Variants in TXNDC5 observed in about 807,000 individuals in gnomAD.
TXNDC5 encodes the protein thioredoxin domain containing 5.
In TXNDC5, 44 loss-of-function variants were observed where a neutral mutation model predicts 52.6. The ratio of observed to expected loss-of-function variants is 0.84; its 90% CI spans 0.66 to 1.08. The LOEUF (loss-of-function observed/expected upper bound fraction) is 1.08, where lower values mean the gene tolerates loss of function less well. Ranked by LOEUF, TXNDC5 falls within the 50% of genes least tolerant of loss-of-function variation. The probability of loss-of-function intolerance (pLI) is 0.00; values close to 1 mark genes in which losing one functional copy is unlikely to be tolerated. For synonymous variants in TXNDC5, 241 were observed against 234.4 expected (o/e 1.03, Z -0.26); for missense variants, 600 against 565.5 (o/e 1.06, Z -0.62).
chr6:7,897,705 G>A (rs1760420821), intron 3 of TXNDC5, among the ~76,000 whole-genome samples: 1 of 152,176 alleles, frequency 6.6e-6, no homozygotes, highest in South Asian at 2.1e-4. Flanking sequence ...CTCCACTAAG[G>A]GAAATGGGCC....
At chr6:7,885,927 G>GGACA (rs1759957607) in intron 8 of TXNDC5, 34 bp downstream of exon 8, 1 of 1,605,610 alleles carries the variant, frequency 6.2e-7, no homozygotes, top group Non-Finnish European at 8.5e-7. Context: ...TAGTACACAT[G>GGACA]GACAAAGTAG....
In TXNDC5 at chr6:7,909,811, A is replaced by G. The variant is rs577385545; in HGVS notation, c.263+703T>C. 2.5e-4 allele frequency: 244 copies of G among 985,992 alleles called. No individual in the cohort carries two copies. In the African/African-American group the frequency reaches 4.0e-3, roughly 16 times the overall value. 61.1% of individuals were successfully genotyped at this position (985,992 alleles called of 1,614,324 possible). A position where few individuals can be genotyped will look rare whatever the true frequency, so the allele number is the denominator to read the frequency against. On this transcript the variant is annotated intron_variant, in intron 1 of 9. Coordinates refer to ENST00000379757, the MANE Select transcript of TXNDC5 (RefSeq NM_030810.5). ...AAAGACGCACAAAGTGGGAAACCACACCTTCCTGGGTTCTATTTTTCAGTT... is the reference window on the plus strand; with the variant it reads ...AAAGACGCACAAAGTGGGAAACCACGCCTTCCTGGGTTCTATTTTTCAGTT...
At chr6:7,910,095 G>A (rs909048617) in intron 1 of TXNDC5, 16 of 986,084 alleles carry the variant, frequency 1.6e-5, no homozygotes, top group Non-Finnish European at 1.9e-5. Flanking sequence ...GCGGCGCAGG[G>A]CGGGCTTTTC....
At position 7,910,634 on chromosome 6, in the gene TXNDC5, C is replaced by G. The variant is rs1257544448; in HGVS notation, c.143G>C (p.Gly48Ala). 9.1e-6 allele frequency: 12 copies of G among 1,323,944 alleles called. No individual in the cohort carries two copies. The highest frequency in any genetic ancestry group is 1.2e-5 in the Non-Finnish European group (12 of 1,017,356). 82.0% of individuals were successfully genotyped at this position (1,323,944 alleles called of 1,614,324 possible). A position where few individuals can be genotyped will look rare whatever the true frequency, so the allele number is the denominator to read the frequency against. Residue 48 changes from glycine (G) to alanine (A), a missense_variant, in exon 1 of 10, where the codon GGG becomes GCG. Physicochemically the swap from Gly to Ala is moderately conservative, Grantham distance 60. Coordinates refer to ENST00000379757, the MANE Select transcript of TXNDC5 (RefSeq NM_030810.5). ...AQEAAAAAAD[G>A]PPAADGEDGQ... ...GTCCTCGCCGTCTGCCGCGGGGGGCCCGTCCGCCGCCGCCGCCGCCGCCTC... is the reference window on the plus strand; with the variant it reads ...GTCCTCGCCGTCTGCCGCGGGGGGCGCGTCCGCCGCCGCCGCCGCCGCCTC...
intron 5 of TXNDC5, among the ~76,000 whole-genome samples, chr6:7,890,315 T>C (rs1462852656): frequency 6.6e-6 from 1 of 152,158 alleles, no homozygotes; most frequent in African/African-American, 2.4e-5. Context: ...GTAAAAATAC[T>C]ATTTCAACAC....
intron 4 of TXNDC5, among the ~76,000 whole-genome samples, chr6:7,892,314 T>C (rs897345381): frequency 2.0e-5 from 3 of 152,232 alleles, no homozygotes; most frequent in African/African-American, 7.2e-5. Flanking sequence ...CAGGGAAACA[T>C]GTAGACCACA....
At chr6:7,893,578 G>T (rs1760270471) in intron 4 of TXNDC5, among the ~76,000 whole-genome samples, 1 of 151,234 alleles carries the variant, frequency 6.6e-6, no homozygotes, top group South Asian at 2.1e-4. Flanking sequence ...GTCCGTAACA[G>T]GTGATTTGGG....
At chr6:7,895,055 C>A in intron 4 of TXNDC5, 51 bp downstream of exon 4, 1 of 1,585,528 alleles carries the variant, frequency 6.3e-7, no homozygotes, top group African/African-American at 1.3e-5. Context: ...GCCCAGCACG[C>A]CAAGGAATAA....
Position 7,885,985 on chromosome 6 carries a change from G to T in TXNDC5, c.1022C>A (p.Thr341Asn). Reference sequence around the variant, plus strand: ...CCATGGAGCATAAAACTTGATGAAGGTTATTCCTTCTGCAATGGTGTCATC... The same window carrying T: ...CCATGGAGCATAAAACTTGATGAAGTTTATTCCTTCTGCAATGGTGTCATC... ...NFDDTIAEGI[T>N]FIKFYAPWCG... The change falls in exon 8 of 10, where the codon ACC (threonine) becomes AAC (asparagine). Residue 341 changes from threonine to asparagine, a missense_variant. Thr to Asn is a moderately conservative substitution (Grantham distance 65). Transcript: ENST00000379757. 1 of 1,614,112 alleles carries T rather than the reference G, an allele frequency of 6.2e-7. No individual in the cohort carries two copies.
In TXNDC5 at chr6:7,889,513, C is replaced by T. The variant is rs1760119276; in HGVS notation, c.801G>A (p.Trp267Ter). ...GACGTACCTTTTTCCCATCTCGGAA[C>T]CAGAGAAGAGTGGGATAGCCACGAA... is the stretch of plus-strand genomic sequence containing the variant. ...NQVRGYPTLLWFRDGKKVDQY... is the reference protein window; with the variant it reads ...NQVRGYPTLL Residue 267 changes from tryptophan (W) to a stop codon, truncating the protein, a stop_gained, in exon 6 of 10, where the codon TGG (tryptophan) becomes TGA (stop). Coordinates refer to ENST00000379757, the MANE Select transcript of TXNDC5 (RefSeq NM_030810.5). LOFTEE classifies it high-confidence loss of function. 2 of 1,613,488 alleles carry T rather than the reference C, an allele frequency of 1.2e-6. No homozygotes were observed. The highest frequency in any genetic ancestry group is 1.1e-5 in the South Asian group (1 of 91,080).
rs1042107388 is a variant in TXNDC5, at chr6:7,910,149, C to G, written c.263+365G>C. On this transcript the variant is annotated intron_variant, in intron 1 of 9. Transcript: ENST00000379757. ...TCCGCCCCCTCCTCCCGCACCGCCC[C>G]GGCCGCCGAGCGCCACGTCAGCCGC... is the stretch of plus-strand genomic sequence containing the variant. The G allele has an allele frequency of 4.0e-5, 40 of 988,694 alleles. No homozygotes were observed. The African/African-American group carries it at 5.2e-4, about 13-fold the overall frequency. The allele number at this position is 988,694 out of a possible 1,614,324, so 61.2% of individuals were successfully genotyped here. A position where few individuals can be genotyped will look rare whatever the true frequency, so the allele number is the denominator to read the frequency against.
intron 3 of TXNDC5, among the ~76,000 whole-genome samples, chr6:7,896,777 G>A (rs1760383289): frequency 6.6e-6 from 1 of 152,144 alleles, no homozygotes; most frequent in Non-Finnish European, 1.5e-5. Context: ...GCACATGCGG[G>A]GCCTCTAGTT....
intron 1 of TXNDC5, among the ~76,000 whole-genome samples, chr6:7,906,999 G>A (rs1760757394): frequency 6.6e-6 from 1 of 152,130 alleles, no homozygotes; most frequent in Admixed American, 6.6e-5. Context: ...CTGGCAGTGG[G>A]GACTGACTGA....
chr6:7,889,687 A>C, intron 5 of TXNDC5, 106 bp from the exon 6 acceptor site: 1 of 860,856 alleles, frequency 1.2e-6, no homozygotes, highest in Non-Finnish European at 1.8e-6. Flanking sequence ...TTCAAAATCC[A>C]CATTCTGTAG....
intron 1 of TXNDC5, among the ~76,000 whole-genome samples, chr6:7,906,764 G>GA (rs112486820): frequency 0.038 from 5,551 of 144,380 alleles, 257 homozygotes; most frequent in African/African-American, 0.11. Flanking sequence ...AAGGAAACAA[G>GA]AAAAAAAAAA....
At chr6:7,898,740 C>A (rs1167789237) in intron 3 of TXNDC5, among the ~76,000 whole-genome samples, 1 of 151,276 alleles carries the variant, frequency 6.6e-6, no homozygotes, top group Non-Finnish European at 1.5e-5. Flanking sequence ...AAGGCACCAC[C>A]CACAAAGGAA....
At position 7,900,554 on chromosome 6, in the gene TXNDC5, G is replaced by A. The variant is rs1383181554; in HGVS notation, c.414-873C>T. ...TTTGTGAGTAAATGCCCAATGTACGGTATCAGAATTGTAAGACGGCAACAT... is the reference window on the plus strand; with the variant it reads ...TTTGTGAGTAAATGCCCAATGTACGATATCAGAATTGTAAGACGGCAACAT... On this transcript the variant is annotated intron_variant, in intron 2 of 9. Transcript: ENST00000379757. Among the ~76,000 whole-genome samples, 3 of 152,348 alleles carry A rather than the reference G, an allele frequency of 2.0e-5. No individual in the cohort carries two copies. The East Asian group carries it at 5.8e-4, about 29-fold the overall frequency.
chr6:7,898,998 C>T (rs1480328343), intron 3 of TXNDC5, among the ~76,000 whole-genome samples: 1 of 152,066 alleles, frequency 6.6e-6, no homozygotes, highest in Non-Finnish European at 1.5e-5. Context: ...GAAGGATCCA[C>T]CCTACGGGTA....
chr6:7,904,906 G>A (rs1760685304), intron 1 of TXNDC5, among the ~76,000 whole-genome samples, 183 bp from the exon 2 acceptor site: 1 of 152,126 alleles, frequency 6.6e-6, no homozygotes, highest in Non-Finnish European at 1.5e-5. Flanking sequence ...CAGAGTCACT[G>A]CCCTGTTCTC....
Sources: gnomAD v4.1 joint callset for allele counts (sites outside exome capture counted in the v4.1 genomes callset) on GRCh38, gnomAD v4.1.1 for gene constraint, MANE v1.5 for transcripts, NCBI Gene and HGNC (gene_info 2026-07-23, HGNC 2026-07-21) for gene names.